Variants in FYN observed in about 807,000 individuals in gnomAD.
FYN encodes tyrosine-protein kinase Fyn.
Under a neutral mutation model 70.2 loss-of-function variants are expected in FYN, and 10 were observed. The ratio of observed to expected loss-of-function variants is 0.14; its 90% CI spans 0.09 to 0.24. FYN has a LOEUF of 0.24. Ranked by LOEUF, FYN falls within the 10% of genes least tolerant of loss-of-function variation. FYN has a pLI of 1.00. For missense variants in FYN, 319 were observed against 673.1 expected (o/e 0.47, Z 5.82); for synonymous variants, 236 against 248.6 (o/e 0.95, Z 0.48).
chr6:111,691,734 T>C (rs1374979014), intron 12 of FYN, among the ~76,000 whole-genome samples: 1 of 152,192 alleles, frequency 6.6e-6, no homozygotes, highest in African/African-American at 2.4e-5. Context: ...TTAAAAACAG[T>C]CCCATAAAAT....
In FYN at chr6:111,845,150, C is replaced by T. The variant is rs1004412103; in HGVS notation, c.-82+1439G>A. Reference sequence around the variant, plus strand: ...TGCAGGATTCACTGCCTGAGTTGGACAGGGGAGGGCAAGTCCTGCAGTCTG... The same window carrying T: ...TGCAGGATTCACTGCCTGAGTTGGATAGGGGAGGGCAAGTCCTGCAGTCTG... On this transcript the variant is annotated intron_variant, in intron 2 of 13. Coordinates refer to ENST00000354650, the MANE Select transcript of FYN (RefSeq NM_002037.5). Among the ~76,000 whole-genome samples, 43 of 152,362 alleles carry T rather than the reference C, an allele frequency of 2.8e-4. 1 individual carries two copies. Among genetic ancestry groups the T allele is most frequent in the African/African-American group, 1.0e-3 (43 of 41,580 alleles).
chr6:111,838,922 G>A (rs1773269526), intron 2 of FYN, among the ~76,000 whole-genome samples: 1 of 152,186 alleles, frequency 6.6e-6, no homozygotes. Context: ...CAGACATTCA[G>A]AATCATATCA....
intron 2 of FYN, among the ~76,000 whole-genome samples, chr6:111,799,843 G>T (rs868039078): frequency 3.3e-5 from 5 of 152,164 alleles, no homozygotes; most frequent in Non-Finnish European, 7.3e-5. Flanking sequence ...TTATGTGGGA[G>T]TCCCGCACAC....
intron 1 of FYN, among the ~76,000 whole-genome samples, chr6:111,860,214 T>G (rs879313365): frequency 3.3e-5 from 5 of 152,134 alleles, no homozygotes; most frequent in Non-Finnish European, 7.4e-5. Flanking sequence ...GGGAAACCAG[T>G]AAAAGGTCTA....
At chr6:111,850,970 C>T (rs1335829756) in intron 1 of FYN, among the ~76,000 whole-genome samples, 1 of 152,238 alleles carries the variant, frequency 6.6e-6, no homozygotes, top group Non-Finnish European at 1.5e-5. Flanking sequence ...AGCTCATTCT[C>T]CTGTGTCTTG....
chr6:111,832,190 A>G (rs1243325758), intron 2 of FYN, among the ~76,000 whole-genome samples: 1 of 152,152 alleles, frequency 6.6e-6, no homozygotes, highest in Non-Finnish European at 1.5e-5. Flanking sequence ...GTCCCTGGGG[A>G]GTTTTCTGGG....
chr6:111,684,857 A>C (rs1336463029), intron 12 of FYN, among the ~76,000 whole-genome samples: 1 of 152,178 alleles, frequency 6.6e-6, no homozygotes, highest in Non-Finnish European at 1.5e-5. Context: ...GGCTTATTTA[A>C]GTGGTTATCT....
At chr6:111,794,937 C>A (rs1187446950) in intron 2 of FYN, among the ~76,000 whole-genome samples, 1 of 152,202 alleles carries the variant, frequency 6.6e-6, no homozygotes, top group Non-Finnish European at 1.5e-5. Flanking sequence ...AAGTCACAGG[C>A]AAGTCCTAAT....
chr6:111,667,082 T>G (rs1262474502), intron 13 of FYN, among the ~76,000 whole-genome samples: 1 of 152,208 alleles, frequency 6.6e-6, no homozygotes, highest in Non-Finnish European at 1.5e-5. Context: ...AGGTCAAGTT[T>G]CCAACTCTCA....
At chr6:111,737,876 A>G (rs1431627708) in intron 3 of FYN, among the ~76,000 whole-genome samples, 1 of 152,202 alleles carries the variant, frequency 6.6e-6, no homozygotes, top group African/African-American at 2.4e-5. Context: ...ACTTCACAAT[A>G]TCACTAATGG....
chr6:111,687,605 GGTGTGTGTGT>G (rs367956399), intron 12 of FYN, among the ~76,000 whole-genome samples: 1 of 143,364 alleles, frequency 7.0e-6, no homozygotes, highest in Non-Finnish European at 1.5e-5. Flanking sequence ...GGGGTGGGTG[GGTGTGTGTGT>G]GTGTGTGTGT....
At chr6:111,680,035 C>T (rs1198138966) in intron 12 of FYN, among the ~76,000 whole-genome samples, 1 of 152,182 alleles carries the variant, frequency 6.6e-6, no homozygotes. Context: ...AGTGACTAGA[C>T]ATCAACCATT....
intron 3 of FYN, among the ~76,000 whole-genome samples, chr6:111,780,295 A>G (rs1305566822): frequency 6.6e-6 from 1 of 152,242 alleles, no homozygotes; most frequent in Non-Finnish European, 1.5e-5. Flanking sequence ...ATAAACTGCC[A>G]AGGGTATTCT....
At chr6:111,748,459 C>T (rs7743598) in intron 3 of FYN, among the ~76,000 whole-genome samples, 3,476 of 152,276 alleles carry the variant, frequency 0.023, 74 homozygotes, top group African/African-American at 0.05. Context: ...GCTTGCTCAC[C>T]TCTCTGGGTT....
intron 3 of FYN, among the ~76,000 whole-genome samples, chr6:111,740,025 T>C (rs1056863054): frequency 2.0e-5 from 3 of 151,588 alleles, no homozygotes; most frequent in Admixed American, 6.6e-5. Context: ...GGTTTCACCA[T>C]GTTGGCCAGG....
chr6:111,661,970 A>G lies in FYN; in HGVS notation c.1406-23T>C. 6.3e-7 allele frequency: 1 copy of G among 1,576,094 alleles called. No homozygotes were observed. The highest frequency in any genetic ancestry group is 1.2e-5 in the South Asian group (1 of 86,058). On this transcript the variant is annotated intron_variant, in intron 13 of 13. Transcript: ENST00000354650. This position sits in a 1 kb window ranked among gnomAD's most constrained non-coding sequence, Gnocchi z 4.0. ...TGCCTGCAAAGACAAGCGCAGTGAG[A>G]GTGGGCACCCCGGGGATCCAGGCCC... is the stretch of plus-strand genomic sequence containing the variant.
chr6:111,764,228 A>G (rs202099841), intron 3 of FYN, among the ~76,000 whole-genome samples: 7 of 134,894 alleles, frequency 5.2e-5, no homozygotes, highest in African/African-American at 1.6e-4. Flanking sequence ...AAAAAAAAAA[A>G]AAAAGAAAAG....
Position 111,776,169 on chromosome 6 carries a change from G to A in FYN, c.-12+4397C>T, listed in dbSNP as rs149601783. ...ATAGGTAGAGTGGGTGAAAGGCACA[G>A]TCTTAAAGAACAAAAGTAAAAGCAG... On this transcript the variant is annotated intron_variant, in intron 3 of 13. Transcript: ENST00000354650. 7.9e-5 allele frequency among the ~76,000 whole-genome samples: 12 copies of A among 152,248 alleles called. No individual in the cohort carries two copies. The East Asian group carries it at 2.3e-3, about 29-fold the overall frequency.
At chr6:111,866,226 T>C (rs1209325495) in intron 1 of FYN, among the ~76,000 whole-genome samples, 1 of 152,178 alleles carries the variant, frequency 6.6e-6, no homozygotes, top group Non-Finnish European at 1.5e-5. Flanking sequence ...AGGCAGGAAC[T>C]ACTATCTCCA....
Sources: gnomAD v4.1 joint callset for allele counts (sites outside exome capture counted in the v4.1 genomes callset) on GRCh38, gnomAD v4.1.1 for gene constraint, Gnocchi (gnomAD v3.1) non-coding constraint, MANE v1.5 for transcripts, NCBI Gene and HGNC (gene_info 2026-07-23, HGNC 2026-07-21) for gene names.